The following CDIN1 variants were observed in gnomAD, a reference collection of about 807,000 sequenced individuals.
CDIN1 encodes the protein CDAN1 interacting nuclease 1.
CDIN1 carries 33 observed loss-of-function variants against 45.3 expected under a neutral mutation model. That is an observed-to-expected ratio of 0.73 (90% CI 0.55 to 0.97). CDIN1 has a LOEUF of 0.97. Among genes scored for constraint, CDIN1 ranks in the 50% least tolerant of loss-of-function variants. The probability of loss-of-function intolerance (pLI) is 0.00; values close to 1 mark genes in which losing one functional copy is unlikely to be tolerated. For missense variants in CDIN1, 303 were observed against 339.4 expected (o/e 0.89, Z 0.84); for synonymous variants, 118 against 124.4 (o/e 0.95, Z 0.34).
intron 1 of CDIN1, among the ~76,000 whole-genome samples, chr15:36,582,691 C>T (rs1355233550): frequency 6.6e-6 from 1 of 152,188 alleles, no homozygotes; most frequent in Non-Finnish European, 1.5e-5. Context: ...CTTAGACAAT[C>T]ACTAGCTAAT....
At chr15:36,767,096 G>A (rs981142269) in intron 10 of CDIN1, among the ~76,000 whole-genome samples, 3 of 151,924 alleles carry the variant, frequency 2.0e-5, no homozygotes, top group Non-Finnish European at 4.4e-5. Context: ...AATTCACTTC[G>A]AGTTGATTTT....
At chr15:36,678,526 CTGTT>C (rs1395263626) in intron 5 of CDIN1, among the ~76,000 whole-genome samples, 1 of 152,140 alleles carries the variant, frequency 6.6e-6, no homozygotes, top group Non-Finnish European at 1.5e-5. Context: ...GTTGCAGAGT[CTGTT>C]TGTGTGTGTG....
At chr15:36,634,127 TATA>T (rs543838686) in intron 1 of CDIN1, among the ~76,000 whole-genome samples, 328 of 152,254 alleles carry the variant, frequency 2.2e-3, no homozygotes, top group Non-Finnish European at 3.7e-3. Flanking sequence ...AGTAATGTTT[TATA>T]ACTTTCTTCA....
At chr15:36,613,175 A>G (rs2058638923) in intron 1 of CDIN1, among the ~76,000 whole-genome samples, 1 of 152,134 alleles carries the variant, frequency 6.6e-6, no homozygotes, top group South Asian at 2.1e-4. Context: ...ATGCATGTTC[A>G]TTTGCTGTGT....
chr15:36,726,839 A>G (rs2043646659), intron 10 of CDIN1, among the ~76,000 whole-genome samples: 1 of 152,120 alleles, frequency 6.6e-6, no homozygotes, highest in Non-Finnish European at 1.5e-5. Flanking sequence ...TTTTTTCTAT[A>G]TATGAAACAA....
chr15:36,760,795 TA>T (rs1215451790), intron 10 of CDIN1, among the ~76,000 whole-genome samples: 1 of 152,202 alleles, frequency 6.6e-6, no homozygotes, highest in Non-Finnish European at 1.5e-5. Context: ...TTCTTTAGGA[TA>T]ATATCCAGAT....
intron 5 of CDIN1, among the ~76,000 whole-genome samples, chr15:36,669,725 A>C (rs889670433): frequency 6.6e-6 from 1 of 152,066 alleles, no homozygotes; most frequent in East Asian, 1.9e-4. Flanking sequence ...TTTGATGGTC[A>C]TGATGTTTTT....
chr15:36,771,032 A>T (rs923550014), intron 10 of CDIN1, among the ~76,000 whole-genome samples: 1 of 152,220 alleles, frequency 6.6e-6, no homozygotes, highest in Admixed American at 6.5e-5. Flanking sequence ...AGACTGCTGG[A>T]TAGTGATGAG....
intron 10 of CDIN1, among the ~76,000 whole-genome samples, chr15:36,750,960 A>G (rs2053443120): frequency 6.6e-6 from 1 of 151,942 alleles, no homozygotes; most frequent in Non-Finnish European, 1.5e-5. Flanking sequence ...AAGAAAAAGC[A>G]TCTGTCTTTT....
At position 36,808,133 on chromosome 15, in the gene CDIN1, C is replaced by T. The variant is rs77222590; in HGVS notation, c.717-191C>T. 8.8e-3 allele frequency among the ~76,000 whole-genome samples: 1,338 copies of T among 152,206 alleles called. 24 individuals are homozygous for T. Among genetic ancestry groups the T allele is most frequent in the African/African-American group, 0.031 (1,270 of 41,544 alleles). On this transcript the variant is annotated intron_variant, in intron 10 of 10. Transcript: ENST00000566621. ...TGGAAAGAAAGGGAACACATCCATC[C>T]GAGAAGGTAGTATGTGTGTTATGTG...
intron 10 of CDIN1, among the ~76,000 whole-genome samples, chr15:36,767,433 G>A (rs911108344): frequency 3.3e-5 from 5 of 152,134 alleles, no homozygotes; most frequent in South Asian, 2.1e-4. Context: ...TTATGGAAAT[G>A]GCCTTACAAA....
chr15:36,743,602 A>G (rs147510411), intron 10 of CDIN1, among the ~76,000 whole-genome samples: 2,012 of 152,228 alleles, frequency 0.013, 38 homozygotes, highest in Middle Eastern at 0.054. Context: ...AAGAGAAACC[A>G]TGAGGCAGGC....
intron 8 of CDIN1, chr15:36,704,228 T>C (rs2042782608): frequency 6.6e-6 from 1 of 152,184 alleles, no homozygotes; most frequent in African/African-American, 2.4e-5. Flanking sequence ...TCACTAGTAT[T>C]ATCCCCTAAA....
intron 2 of CDIN1, 126 bp from the exon 3 acceptor site, chr15:36,645,097 C>G (rs1251417276): frequency 1.4e-6 from 1 of 713,624 alleles, no homozygotes; most frequent in South Asian, 1.8e-5. Context: ...CACCACAATT[C>G]CCAAGCTGTT....
intron 1 of CDIN1, among the ~76,000 whole-genome samples, chr15:36,629,646 A>G (rs1308821571): frequency 1.3e-5 from 2 of 152,306 alleles, no homozygotes; most frequent in Middle Eastern, 3.4e-3. Context: ...CTTTTGACAA[A>G]TGCCCTTTGA....
chr15:36,748,731 A>G (rs552052706), intron 10 of CDIN1, among the ~76,000 whole-genome samples: 2 of 152,292 alleles, frequency 1.3e-5, no homozygotes, highest in African/African-American at 2.4e-5. Context: ...GATTATTTCA[A>G]AGCAAAAGTG....
At chr15:36,664,287 G>T (rs750165724) in intron 5 of CDIN1, among the ~76,000 whole-genome samples, 1 of 152,152 alleles carries the variant, frequency 6.6e-6, no homozygotes, top group Non-Finnish European at 1.5e-5. Context: ...ATTTAGATTT[G>T]TGAATCATGT....
At chr15:36,623,005 T>A (rs771537119) in intron 1 of CDIN1, among the ~76,000 whole-genome samples, 6 of 152,204 alleles carry the variant, frequency 3.9e-5, no homozygotes, top group Non-Finnish European at 5.9e-5. Context: ...ACATTCAAAT[T>A]TGGGGAGAAT....
intron 1 of CDIN1, among the ~76,000 whole-genome samples, chr15:36,588,094 C>T (rs1304604978): frequency 6.6e-6 from 1 of 152,068 alleles, no homozygotes; most frequent in Non-Finnish European, 1.5e-5. Context: ...AAACAAAGTG[C>T]AGTAGATTTA....
Sources: gnomAD v4.1 joint callset for allele counts (sites outside exome capture counted in the v4.1 genomes callset) on GRCh38, gnomAD v4.1.1 for gene constraint, MANE v1.5 for transcripts, NCBI Gene and HGNC (gene_info 2026-07-23, HGNC 2026-07-21) for gene names.